OPCML: variants seen among roughly 807,000 people sequenced by gnomAD.
OPCML encodes opioid-binding protein/cell adhesion molecule.
OPCML carries 13 observed loss-of-function variants against 37.8 expected under a neutral mutation model. That is an observed-to-expected ratio of 0.34 (90% CI 0.22 to 0.55). The LOEUF (loss-of-function observed/expected upper bound fraction) is 0.55. Ranked by LOEUF, OPCML falls within the 20% of genes least tolerant of loss-of-function variation. The pLI is 0.91. For missense variants in OPCML, 341 were observed against 435.6 expected (o/e 0.78, Z 1.93); for synonymous variants, 176 against 168.8 (o/e 1.04, Z -0.33).
chr11:132,862,772 A>G (rs1942363401), intron 2 of OPCML, among the ~76,000 whole-genome samples: 1 of 152,184 alleles, frequency 6.6e-6, no homozygotes, highest in African/African-American at 2.4e-5. Flanking sequence ...TGAGTTACAG[A>G]AAAAAGCCCC....
intron 2 of OPCML, among the ~76,000 whole-genome samples, chr11:132,765,741 C>A (rs1164231684): frequency 6.6e-6 from 1 of 152,144 alleles, no homozygotes; most frequent in Admixed American, 6.5e-5. Context: ...GGAAAAATAT[C>A]TTGTGTCTCC....
At chr11:133,254,870 A>G (rs1941259167) in intron 1 of OPCML, among the ~76,000 whole-genome samples, 1 of 152,086 alleles carries the variant, frequency 6.6e-6, no homozygotes, top group African/African-American at 2.4e-5. Context: ...GAAACGTTAA[A>G]TTAAATGTAG....
At chr11:133,161,066 A>T (rs1950135346) in intron 1 of OPCML, among the ~76,000 whole-genome samples, 1 of 152,110 alleles carries the variant, frequency 6.6e-6, no homozygotes, top group Non-Finnish European at 1.5e-5. Context: ...CTCCTGCCTT[A>T]CCTTTCTCTT....
At chr11:132,755,696 C>T (rs779598206) in intron 2 of OPCML, among the ~76,000 whole-genome samples, 2 of 152,150 alleles carry the variant, frequency 1.3e-5, no homozygotes, top group Admixed American at 6.6e-5. Context: ...AGGTATGGAA[C>T]GGTTACTTGC....
At chr11:133,146,260 G>A (rs985051897) in intron 1 of OPCML, among the ~76,000 whole-genome samples, 1 of 151,316 alleles carries the variant, frequency 6.6e-6, no homozygotes. Context: ...GAGAGGTCAT[G>A]ATCAATGAGA....
intron 1 of OPCML, among the ~76,000 whole-genome samples, chr11:133,094,410 T>C (rs996776753): frequency 6.6e-6 from 1 of 152,198 alleles, no homozygotes; most frequent in Non-Finnish European, 1.5e-5. Flanking sequence ...CTACGACCCA[T>C]GATGATCCCT....
At chr11:132,621,396 C>T (rs1295517413) in intron 3 of OPCML, among the ~76,000 whole-genome samples, 1 of 152,054 alleles carries the variant, frequency 6.6e-6, no homozygotes, top group Non-Finnish European at 1.5e-5. Context: ...AGATAAAAAC[C>T]AACCAGTGTT....
intron 4 of OPCML, among the ~76,000 whole-genome samples, chr11:132,517,256 T>C (rs553078656): frequency 8.5e-5 from 13 of 152,164 alleles, no homozygotes; most frequent in African/African-American, 2.6e-4. Flanking sequence ...TTATAGGAAT[T>C]TTACCCTAGG....
At chr11:132,796,475 A>C (rs2136192148) in intron 2 of OPCML, among the ~76,000 whole-genome samples, 1 of 151,504 alleles carries the variant, frequency 6.6e-6, no homozygotes, top group South Asian at 2.1e-4. Context: ...TGTTTTCCAA[A>C]AACAACTTTG....
intron 1 of OPCML, among the ~76,000 whole-genome samples, chr11:133,035,589 G>T (rs1028364853): frequency 7.2e-5 from 11 of 152,178 alleles, no homozygotes; most frequent in South Asian, 2.1e-4. Flanking sequence ...CTGAGCCTGT[G>T]CCTGCTATTT....
chr11:132,521,613 GA>G (rs2096293983), intron 4 of OPCML, among the ~76,000 whole-genome samples: 2 of 151,952 alleles, frequency 1.3e-5, no homozygotes, highest in Non-Finnish European at 2.9e-5. Context: ...GTCGGGGTGT[GA>G]GGGGGAAGGG....
intron 1 of OPCML, among the ~76,000 whole-genome samples, chr11:133,281,652 G>A (rs73600405): frequency 0.051 from 7,801 of 152,038 alleles, 230 homozygotes; most frequent in Middle Eastern, 0.071. Flanking sequence ...TGGGTAACAA[G>A]CAGAAGTTGG....
intron 2 of OPCML, among the ~76,000 whole-genome samples, chr11:132,804,402 A>G (rs905679401): frequency 1.3e-5 from 2 of 152,208 alleles, no homozygotes; most frequent in African/African-American, 4.8e-5. Context: ...AAGCCTCACA[A>G]GATGCTCTGG....
At chr11:133,508,418 T>G (rs73025671) in intron 1 of OPCML, among the ~76,000 whole-genome samples, 9 of 152,094 alleles carry the variant, frequency 5.9e-5, no homozygotes, top group African/African-American at 2.2e-4. Flanking sequence ...TATTTGCACT[T>G]TCTATGTAAT....
At chr11:133,498,075 G>A (rs953359157) in intron 1 of OPCML, among the ~76,000 whole-genome samples, 3 of 152,160 alleles carry the variant, frequency 2.0e-5, no homozygotes, top group African/African-American at 7.2e-5. Context: ...GGGGGCCAAG[G>A]CAGCATCTCT....
rs139699989 is a variant in OPCML at position 132,441,534 on chromosome 11, T to C, written c.506-4175A>G. On this transcript the variant is annotated intron_variant, in intron 4 of 7. Transcript: ENST00000524381. ...TTCCTTGTCAAACAGGAACTGCAAG[T>C]CTGCTCAACAGTTTTGCTTTATAGC... Among the ~76,000 whole-genome samples, 188 of 152,280 alleles carry C rather than the reference T, an allele frequency of 1.2e-3. 1 individual carries two copies. Among genetic ancestry groups the C allele is most frequent in the African/African-American group, 4.2e-3 (173 of 41,566 alleles).
rs142436497 is a variant in OPCML, at chr11:132,579,498, A to G, written c.380-50312T>C. Among the ~76,000 whole-genome samples, 57 of 152,180 alleles carry G rather than the reference A, an allele frequency of 3.7e-4. 1 individual carries two copies. The highest frequency in any genetic ancestry group is 1.3e-3 in the African/African-American group (52 of 41,532). On this transcript the variant is annotated intron_variant, in intron 3 of 7. Transcript: ENST00000524381. ...ATGGTGGTAATAACAGCTTATGGGC[A>G]AGTGGCAATGTAACTGGGGGTGTGC...
intron 1 of OPCML, among the ~76,000 whole-genome samples, chr11:133,028,501 G>A (rs1486275096): frequency 6.6e-6 from 1 of 150,450 alleles, no homozygotes; most frequent in Non-Finnish European, 1.5e-5. Flanking sequence ...CATGCACAAA[G>A]GTTTCAGTTG....
chr11:132,501,525 CT>C (rs1196358723), intron 4 of OPCML, among the ~76,000 whole-genome samples: 2 of 152,150 alleles, frequency 1.3e-5, no homozygotes, highest in Non-Finnish European at 2.9e-5. Context: ...AACATTTTTG[CT>C]TTTTCCAGCC....
Sources: allele counts gnomAD v4.1 joint callset (sites outside exome capture counted in the v4.1 genomes callset), GRCh38; gene constraint gnomAD v4.1.1; transcripts MANE v1.5; gene names NCBI Gene and HGNC (gene_info 2026-07-23, HGNC 2026-07-21).